Variants in SAP30BP observed in about 807,000 individuals in gnomAD.
The protein encoded by SAP30BP is SAP30-binding protein.
Under a neutral mutation model 46.3 loss-of-function variants are expected in SAP30BP, and 31 were observed. The ratio of observed to expected loss-of-function variants is 0.67; its 90% confidence interval spans 0.50 to 0.90. The LOEUF (loss-of-function observed/expected upper bound fraction) is 0.90, where lower values mean the gene tolerates loss of function less well. SAP30BP is among the 40% of genes least tolerant of loss of function. SAP30BP has a pLI of 0.00. For missense variants in SAP30BP, 312 were observed against 391.0 expected (o/e 0.80, Z 1.70); for synonymous variants, 169 against 144.2 (o/e 1.17, Z -1.23).
chr17:75,677,807 C>T (rs1282938878), intron 3 of SAP30BP, among the ~76,000 whole-genome samples: 1 of 148,786 alleles, frequency 6.7e-6, no homozygotes, highest in Non-Finnish European at 1.5e-5. Flanking sequence ...GGTGCTGCCA[C>T]CTCAATTTGT....
intron 3 of SAP30BP, among the ~76,000 whole-genome samples, chr17:75,674,800 CAATT>C (rs2059965544): frequency 7.2e-6 from 1 of 139,154 alleles, no homozygotes; most frequent in East Asian, 2.3e-4. Flanking sequence ...CTCCCTGGCT[CAATT>C]AATCCTCCCA....
chr17:75,694,332 A>G (rs907550613), intron 4 of SAP30BP, among the ~76,000 whole-genome samples: 1 of 152,126 alleles, frequency 6.6e-6, no homozygotes, highest in Non-Finnish European at 1.5e-5. Context: ...GAGTTCTGCT[A>G]CAAAGCCTGT....
intron 3 of SAP30BP, chr17:75,692,591 T>C: frequency 1.2e-6 from 1 of 836,256 alleles, no homozygotes; most frequent in Non-Finnish European, 1.4e-6. Flanking sequence ...ACGGAGGGCT[T>C]GGACCGTGGC....
chr17:75,677,755 CTT>C (rs35174866), intron 3 of SAP30BP, among the ~76,000 whole-genome samples: 3,437 of 119,184 alleles, frequency 0.029, 140 homozygotes, highest in African/African-American at 0.092. Flanking sequence ...ACACCCAGCC[CTT>C]TTTTTTTTTT....
At chr17:75,676,382 C>G (rs532394414) in intron 3 of SAP30BP, among the ~76,000 whole-genome samples, 1 of 152,334 alleles carries the variant, frequency 6.6e-6, no homozygotes, top group South Asian at 2.1e-4. Flanking sequence ...CATCACTAAT[C>G]TCATCAGAAA....
chr17:75,703,601 C>T (rs2060448623), intron 7 of SAP30BP: 5 of 637,422 alleles, frequency 7.8e-6, no homozygotes, highest in Admixed American at 2.7e-5. Context: ...ATGTGTGGAC[C>T]TGCTGCTCCT....
chr17:75,681,049 A>C (rs2060068581), intron 3 of SAP30BP, among the ~76,000 whole-genome samples: 1 of 152,162 alleles, frequency 6.6e-6, no homozygotes, highest in South Asian at 2.1e-4. Context: ...AAAGAAGAAA[A>C]AATGCCTAAC....
chr17:75,687,924 G>GTA lies in SAP30BP; in HGVS notation c.265-5515_265-5514insAT, dbSNP rs2060182736. Among the ~76,000 whole-genome samples, 7 of 92,884 alleles carry GTA rather than the reference G, an allele frequency of 7.5e-5. No homozygotes were observed. In the South Asian group the frequency reaches 2.5e-3, roughly 34 times the overall value. 60.9% of individuals were successfully genotyped at this position (92,884 alleles called of 152,430 possible). On this transcript the variant is annotated intron_variant, in intron 3 of 10. Transcript: ENST00000584667. ...CAAACTGACAGTGTTTGGGGTGTGT[G>GTA]TGTGTGTGTGTGTGTGTGTGTGTGT...
chr17:75,697,179 A>G (rs1854165335), intron 4 of SAP30BP, among the ~76,000 whole-genome samples: 1 of 152,214 alleles, frequency 6.6e-6, no homozygotes, highest in Non-Finnish European at 1.5e-5. Context: ...GGCAAATGCC[A>G]AAGGGCACTC....
At chr17:75,693,746 A>C (rs1476485003) in intron 4 of SAP30BP, among the ~76,000 whole-genome samples, 1 of 152,124 alleles carries the variant, frequency 6.6e-6, no homozygotes, top group Non-Finnish European at 1.5e-5. Context: ...AATTCAGGGC[A>C]CTCAGCTGGG....
At chr17:75,698,232 G>A (rs2060352007) in intron 4 of SAP30BP, among the ~76,000 whole-genome samples, 1 of 152,244 alleles carries the variant, frequency 6.6e-6, no homozygotes, top group Non-Finnish European at 1.5e-5. Flanking sequence ...GTCCCCTGGG[G>A]GTTGTGGTTC....
chr17:75,695,940 G>A (rs2060310901), intron 4 of SAP30BP, among the ~76,000 whole-genome samples: 1 of 152,136 alleles, frequency 6.6e-6, no homozygotes, highest in Admixed American at 6.5e-5. Flanking sequence ...CTCAGGAGCT[G>A]GAGATACTCC....
intron 4 of SAP30BP, among the ~76,000 whole-genome samples, chr17:75,696,378 C>A (rs796825747): frequency 0.34 from 43,903 of 128,690 alleles, 7,163 homozygotes; most frequent in South Asian, 0.42. Context: ...ACTAAAAATC[C>A]AAAAAAAAAA....
chr17:75,667,944 A>G (rs150112227), intron 1 of SAP30BP: 223 of 164,434 alleles, frequency 1.4e-3, no homozygotes, highest in African/African-American at 5.1e-3. Flanking sequence ...CTAATTCGGT[A>G]GAACTGGGGT....
chr17:75,683,046 A>T (rs1289557607), intron 3 of SAP30BP, among the ~76,000 whole-genome samples: 50 of 46,068 alleles, frequency 1.1e-3, no homozygotes, highest in South Asian at 5.8e-3. Context: ...TTATTTATTT[A>T]TTTATTTATT....
chr17:75,697,302 T>A (rs2060337473), intron 4 of SAP30BP, among the ~76,000 whole-genome samples: 1 of 152,218 alleles, frequency 6.6e-6, no homozygotes, highest in Admixed American at 6.5e-5. Context: ...TTGTTGTTGC[T>A]GCTTGTGAGA....
In SAP30BP at chr17:75,667,435, G is replaced by C. The variant is rs1880496862; in HGVS notation, c.63G>C (p.Glu21Asp). The change falls in exon 1 of 11, where the codon GAG becomes GAC. Residue 21 changes from glutamate to aspartate, a missense_variant. Around this residue, in one of 2 missense-constraint regions of SAP30BP, gnomAD observed 296 missense variants for 346.6 expected, o/e 0.85. Coordinates refer to ENST00000584667, the MANE Select transcript of SAP30BP (RefSeq NM_013260.8). ...LAVYAEDSEP[E>D]SDGEAGIEAV... is the part of the protein sequence containing the mutation. ...TTTACGCGGAAGATTCAGAGCCCGA[G>C]TCTGATGGCGAGGCTGGAATCGAGG... 1 of 1,614,256 alleles carries C rather than the reference G, an allele frequency of 6.2e-7. No individual in the cohort carries two copies.
intron 3 of SAP30BP, among the ~76,000 whole-genome samples, chr17:75,680,823 A>G (rs748928285): frequency 3.3e-5 from 5 of 152,182 alleles, no homozygotes; most frequent in African/African-American, 7.2e-5. Flanking sequence ...TTGCTTGAGC[A>G]CAGGAGTTTG....
At chr17:75,701,183 G>C (rs930537106) in intron 5 of SAP30BP, among the ~76,000 whole-genome samples, 2 of 152,214 alleles carry the variant, frequency 1.3e-5, no homozygotes, top group African/African-American at 4.8e-5. Context: ...ATGTTGTCAT[G>C]TGGGCCCTCC....
Sources: gnomAD v4.1 joint callset for allele counts (sites outside exome capture counted in the v4.1 genomes callset) on GRCh38, gnomAD v4.1.1 for gene constraint, gnomAD v4.1.1 regional missense constraint, MANE v1.5 for transcripts, NCBI Gene and HGNC (gene_info 2026-07-23, HGNC 2026-07-21) for gene names.